Variants in CTNNA2 observed in about 807,000 individuals in gnomAD.
The protein encoded by CTNNA2 is catenin alpha-2.
In CTNNA2, 42 loss-of-function variants were observed where a neutral mutation model predicts 101.0. The observed-to-expected ratio is 0.42, with a 90% confidence interval of 0.32 to 0.54. The LOEUF (loss-of-function observed/expected upper bound fraction) is 0.54. Among genes scored for constraint, CTNNA2 ranks in the 20% least tolerant of loss-of-function variants. The pLI, the probability that CTNNA2 is intolerant of heterozygous loss-of-function variation, is 0.14. For missense variants in CTNNA2, 871 were observed against 1,223.1 expected (o/e 0.71, Z 4.29); for synonymous variants, 450 against 456.4 (o/e 0.99, Z 0.18).
chr2:80,303,954 G>T lies in CTNNA2; in HGVS notation c.1057-89257G>T, dbSNP rs1358725739. On this transcript the variant is annotated intron_variant, in intron 7 of 18. Transcript: ENST00000402739. The surrounding 1 kb of genome is among the most constrained non-coding windows in gnomAD (Gnocchi z 7.7). Reference sequence around the variant, plus strand: ...GGGCAAAAAATCAAATAAATACATAGAAATAAAGAAGGACCCCCCTCCCCA... The same window carrying T: ...GGGCAAAAAATCAAATAAATACATATAAATAAAGAAGGACCCCCCTCCCCA... 11 of 1,072,838 alleles carry T rather than the reference G, an allele frequency of 1.0e-5. No homozygotes were observed. Among genetic ancestry groups the T allele is most frequent in the Non-Finnish European group, 1.3e-5 (10 of 787,190 alleles). The allele number at this position is 1,072,838 out of a possible 1,614,324, so 66.5% of individuals were successfully genotyped here. A position where few individuals can be genotyped will look rare whatever the true frequency, so the allele number is the denominator to read the frequency against.
At chr2:79,685,991 G>T (rs1683904821) in intron 2 of CTNNA2, among the ~76,000 whole-genome samples, 1 of 152,146 alleles carries the variant, frequency 6.6e-6, no homozygotes, top group Admixed American at 6.5e-5. Flanking sequence ...GGCAAGATGA[G>T]AGGAGCTTTC....
chr2:79,879,995 C>T (rs1683306315), intron 6 of CTNNA2, among the ~76,000 whole-genome samples: 1 of 152,086 alleles, frequency 6.6e-6, no homozygotes, highest in Non-Finnish European at 1.5e-5. Context: ...TATGTTCCAT[C>T]AATACTTAGT....
intron 2 of CTNNA2, among the ~76,000 whole-genome samples, chr2:79,301,314 T>C (rs1676102485): frequency 6.6e-6 from 1 of 152,172 alleles, no homozygotes; most frequent in Non-Finnish European, 1.5e-5. Context: ...GAATCTGATA[T>C]ATATATAACA....
At chr2:79,597,484 A>C (rs965702561) in intron 1 of CTNNA2, among the ~76,000 whole-genome samples, 3 of 147,678 alleles carry the variant, frequency 2.0e-5, no homozygotes, top group Non-Finnish European at 4.5e-5. Flanking sequence ...AAAAAAAAGA[A>C]ATATTAGCTG....
At chr2:79,456,931 G>C (rs1170381705) in intron 4 of CTNNA2, among the ~76,000 whole-genome samples, 1 of 152,160 alleles carries the variant, frequency 6.6e-6, no homozygotes, top group Non-Finnish European at 1.5e-5. Context: ...GCCGGGCATG[G>C]TGGCTCACGC....
intron 7 of CTNNA2, among the ~76,000 whole-genome samples, chr2:80,357,260 T>G (rs1172718735): frequency 1.3e-5 from 2 of 151,106 alleles, no homozygotes; most frequent in African/African-American, 2.5e-5. Context: ...TGTTTGTTTG[T>G]TTTTGTTTTT....
At chr2:79,618,852 G>A (rs1046588562) in intron 1 of CTNNA2, among the ~76,000 whole-genome samples, 1 of 152,192 alleles carries the variant, frequency 6.6e-6, no homozygotes, top group African/African-American at 2.4e-5. Flanking sequence ...TCAGTCATGG[G>A]CCAGGCTATT....
intron 2 of CTNNA2, among the ~76,000 whole-genome samples, chr2:79,235,019 C>T (rs1387165840): frequency 6.6e-6 from 1 of 152,150 alleles, no homozygotes. Flanking sequence ...ATTCTATGTC[C>T]ATCACTTCAG....
rs191324670 is a variant in CTNNA2, at chr2:79,981,322, T to C, written c.1056+71525T>C. ...TTTTTTTAGGATTGATCCGGTTACC[T>C]ACTTGCATCCTGACTATTACAGTGA... On this transcript the variant is annotated intron_variant, in intron 7 of 18. Transcript: ENST00000402739. Among the ~76,000 whole-genome samples the C allele has an allele frequency of 5.3e-5, 8 of 152,318 alleles. No homozygotes were observed. In the East Asian group the frequency reaches 1.4e-3, roughly 26 times the overall value.
intron 1 of CTNNA2, among the ~76,000 whole-genome samples, chr2:79,570,401 T>C (rs996836032): frequency 2.6e-5 from 4 of 152,194 alleles, no homozygotes; most frequent in Non-Finnish European, 5.9e-5. Flanking sequence ...TGAAATATTC[T>C]TGATGGACCC....
intron 2 of CTNNA2, among the ~76,000 whole-genome samples, chr2:79,234,415 G>A (rs575700498): frequency 1.3e-5 from 2 of 152,264 alleles, no homozygotes; most frequent in Non-Finnish European, 2.9e-5. Context: ...CTGCTAGCCC[G>A]ATGGGGCATT....
chr2:79,438,750 T>G (rs1035091916), intron 4 of CTNNA2, among the ~76,000 whole-genome samples: 1 of 152,194 alleles, frequency 6.6e-6, no homozygotes, highest in Non-Finnish European at 1.5e-5. Context: ...TGCATGAGAA[T>G]GACTTGGCAT....
chr2:79,942,459 A>G (rs563710777), intron 7 of CTNNA2, among the ~76,000 whole-genome samples: 18 of 152,184 alleles, frequency 1.2e-4, no homozygotes, highest in Non-Finnish European at 2.5e-4. Flanking sequence ...CACGAAGAAA[A>G]CAAAAGGGAA....
At chr2:80,325,506 GT>G (rs942070792) in intron 7 of CTNNA2, among the ~76,000 whole-genome samples, 4 of 152,084 alleles carry the variant, frequency 2.6e-5, no homozygotes, top group Non-Finnish European at 5.9e-5. Flanking sequence ...TCTTAAAGCT[GT>G]TTTTTGTTTT....
At chr2:79,974,672 G>A (rs1305922508) in intron 7 of CTNNA2, among the ~76,000 whole-genome samples, 2 of 152,220 alleles carry the variant, frequency 1.3e-5, no homozygotes, top group East Asian at 3.9e-4. Context: ...GAAGGGTCAG[G>A]CACTCTTCTA....
intron 8 of CTNNA2, among the ~76,000 whole-genome samples, chr2:80,409,486 G>A (rs968522065): frequency 6.6e-6 from 1 of 152,082 alleles, no homozygotes; most frequent in Non-Finnish European, 1.5e-5. Flanking sequence ...GTAGTTGGGA[G>A]TTGAGACAGT....
chr2:79,804,282 C>A (rs1676391242), intron 3 of CTNNA2, among the ~76,000 whole-genome samples: 2 of 152,224 alleles, frequency 1.3e-5, no homozygotes, highest in Admixed American at 6.5e-5. Flanking sequence ...GTATGTATAT[C>A]TTTTAACATA....
At chr2:79,412,336 C>T (rs1361725805) in intron 4 of CTNNA2, among the ~76,000 whole-genome samples, 3 of 150,908 alleles carry the variant, frequency 2.0e-5, no homozygotes, top group East Asian at 2.0e-4. Flanking sequence ...GACAGATCAA[C>T]GAGACAGAAA....
chr2:79,620,498 A>G (rs1481638532), intron 1 of CTNNA2, among the ~76,000 whole-genome samples: 1 of 152,198 alleles, frequency 6.6e-6, no homozygotes, highest in East Asian at 1.9e-4. Flanking sequence ...GTGGCACATA[A>G]CTTATTTAGG....
Sources: allele counts gnomAD v4.1 joint callset (sites outside exome capture counted in the v4.1 genomes callset), GRCh38; gene constraint gnomAD v4.1.1; non-coding constraint Gnocchi (gnomAD v3.1); transcripts MANE v1.5; gene names NCBI Gene and HGNC (gene_info 2026-07-23, HGNC 2026-07-21).